The following DPYSL3 variants were observed in gnomAD, a reference collection of about 807,000 sequenced individuals.
The protein encoded by DPYSL3 is dihydropyrimidinase like 3.
In DPYSL3, 16 loss-of-function variants were observed where a neutral mutation model predicts 66.1. The ratio of observed to expected loss-of-function variants is 0.24; its 90% CI spans 0.16 to 0.37. The LOEUF is 0.37. Among genes scored for constraint, DPYSL3 ranks in the 10% least tolerant of loss-of-function variants. DPYSL3 has a pLI of 1.00. For missense variants in DPYSL3, 738 were observed against 916.2 expected (o/e 0.81, Z 2.51); for synonymous variants, 338 against 345.1 (o/e 0.98, Z 0.23).
Position 147,404,356 on chromosome 5 carries a change from G to C in DPYSL3, c.1153+1254C>G, listed in dbSNP as rs77630990. Among the ~76,000 whole-genome samples, 1,506 of 152,330 alleles carry C rather than the reference G, an allele frequency of 9.9e-3. 29 individuals carry two copies. Among genetic ancestry groups the C allele is most frequent in the African/African-American group, 0.035 (1,459 of 41,566 alleles). ...AGCCTCCCCTCTTGTAAGAAAAATA[G>C]GGTCACCCTGTGCCAGAAGGCCAGG... On this transcript the variant is annotated intron_variant, in intron 8 of 13. Coordinates refer to ENST00000343218, the MANE Select transcript of DPYSL3 (RefSeq NM_001197294.2).
chr5:147,405,592 C>A lies in DPYSL3; in HGVS notation c.1153+18G>T. The A allele has an allele frequency of 6.2e-7, 1 of 1,605,336 alleles. No individual in the cohort carries two copies. The highest frequency in any genetic ancestry group is 1.1e-5 in the South Asian group (1 of 89,406). On this transcript the variant is annotated intron_variant, in intron 8 of 13. Transcript: ENST00000343218. ...ACAGTGCCATCAGGGGCTCCGAGAT[C>A]TTGGAAACACAAATCACCTTTTTTC... is the stretch of plus-strand genomic sequence containing the variant.
chr5:147,423,717 GTTTGTTTGTT>G (rs1213126886), intron 2 of DPYSL3, among the ~76,000 whole-genome samples: 1 of 151,974 alleles, frequency 6.6e-6, no homozygotes, highest in Non-Finnish European at 1.5e-5. Context: ...TTGTTTGTTT[GTTTGTTTGTT>G]TTTGAGACAG....
Position 147,418,728 on chromosome 5 carries a change from G to A in DPYSL3, c.471-97C>T, listed in dbSNP as rs1319537862. The A allele has an allele frequency of 2.6e-5, 29 of 1,107,370 alleles. 1 individual carries two copies. The highest frequency in any genetic ancestry group is 2.8e-5 in the Non-Finnish European group (22 of 788,190). The allele number at this position is 1,107,370 out of a possible 1,614,324, so 68.6% of individuals were successfully genotyped here. ...TAGTGGTATAAGGATTTTAAACAGT[G>A]TTACTTGTATTTATCAAATTAAACT... is the stretch of plus-strand genomic sequence containing the variant. On this transcript the variant is annotated intron_variant, in intron 2 of 13. Coordinates refer to ENST00000343218, the MANE Select transcript of DPYSL3 (RefSeq NM_001197294.2).
chr5:147,466,943 G>A (rs1296734551), intron 1 of DPYSL3, among the ~76,000 whole-genome samples: 1 of 152,114 alleles, frequency 6.6e-6, no homozygotes, highest in Non-Finnish European at 1.5e-5. Flanking sequence ...CCTGGGATGA[G>A]AAACAGGCAC....
intron 10 of DPYSL3, among the ~76,000 whole-genome samples, chr5:147,399,700 G>C (rs1473066942): frequency 6.6e-6 from 1 of 152,136 alleles, no homozygotes; most frequent in African/African-American, 2.4e-5. Context: ...GTGGAATTGA[G>C]ATATTTTTGT....
chr5:147,455,599 T>C (rs1752836969), intron 1 of DPYSL3, among the ~76,000 whole-genome samples: 1 of 152,314 alleles, frequency 6.6e-6, no homozygotes, highest in East Asian at 1.9e-4. Context: ...GGATTATATT[T>C]AGAACAGAGT....
chr5:147,486,580 G>A (rs1753332289), intron 1 of DPYSL3, among the ~76,000 whole-genome samples: 1 of 152,170 alleles, frequency 6.6e-6, no homozygotes, highest in South Asian at 2.1e-4. Context: ...GGGCCAGTCA[G>A]TGCCCTTCTG....
chr5:147,452,748 T>C (rs1160702154), intron 1 of DPYSL3, among the ~76,000 whole-genome samples: 2 of 152,034 alleles, frequency 1.3e-5, no homozygotes, highest in Non-Finnish European at 2.9e-5. Flanking sequence ...TGTCTCCGTC[T>C]TGCACACAAT....
intron 8 of DPYSL3, among the ~76,000 whole-genome samples, chr5:147,403,810 A>G (rs1282219900): frequency 6.6e-6 from 1 of 152,176 alleles, no homozygotes; most frequent in Non-Finnish European, 1.5e-5. Flanking sequence ...CAATCTCAGC[A>G]GCCAGTTTTT....
chr5:147,509,422 C>A lies in DPYSL3; in HGVS notation c.381+56G>T, dbSNP rs1753725917. ...GAAAGTTGTGCCCGGGCCATGGCGG[C>A]CAGGGCTGGAGAAAGGAACGAAGGC... On this transcript the variant is annotated intron_variant, in intron 1 of 13. Coordinates refer to ENST00000343218, the MANE Select transcript of DPYSL3 (RefSeq NM_001197294.2). The surrounding 1 kb of genome is among the most constrained non-coding windows in gnomAD (Gnocchi z 5.3). 1 of 1,449,950 alleles carries A rather than the reference C, an allele frequency of 6.9e-7. No homozygotes were observed. The highest frequency in any genetic ancestry group is 1.4e-5 in the African/African-American group (1 of 70,174). The allele number at this position is 1,449,950 out of a possible 1,614,324, so 89.8% of individuals were successfully genotyped here. A position where few individuals can be genotyped will look rare whatever the true frequency, so the allele number is the denominator to read the frequency against.
intron 6 of DPYSL3, among the ~76,000 whole-genome samples, chr5:147,409,948 G>A (rs1379364331): frequency 6.6e-6 from 1 of 152,156 alleles, no homozygotes; most frequent in Non-Finnish European, 1.5e-5. Context: ...AAAGGAAAAT[G>A]CACATACTAA....
chr5:147,508,481 G>A (rs1053143203), intron 1 of DPYSL3, among the ~76,000 whole-genome samples: 2 of 152,144 alleles, frequency 1.3e-5, no homozygotes, highest in African/African-American at 2.4e-5. Flanking sequence ...CTAGACAAGG[G>A]TGAGGGCATC....
At chr5:147,395,814 G>T (rs2288807) in intron 12 of DPYSL3, 93 bp from the exon 13 acceptor site, 8 of 1,436,958 alleles carry the variant, frequency 5.6e-6, no homozygotes, top group Middle Eastern at 1.8e-4. Flanking sequence ...TACAGTGTGT[G>T]GTGGGAGCTA....
rs759160130 is a variant in DPYSL3 at position 147,393,994 on chromosome 5, ATC to A, written c.*39_*40del. 3 of 1,602,442 alleles carry A rather than the reference ATC, an allele frequency of 1.9e-6. No homozygotes were observed. In the South Asian group the frequency reaches 3.3e-5, roughly 18 times the overall value. Reference sequence around the variant, plus strand: ...GGTGTACCATTTTGGCTTCAAAACAATCTCTTCTTGCTTCTGCCCCTCTCTTT... The same window carrying A: ...GGTGTACCATTTTGGCTTCAAAACAATCTTCTTGCTTCTGCCCCTCTCTTT... On this transcript the variant is annotated 3_prime_UTR_variant, in exon 14 of 14. Transcript: ENST00000343218.
rs945369545 is a variant in DPYSL3 at position 147,397,136 on chromosome 5, G to A, written c.1803+530C>T. On this transcript the variant is annotated intron_variant, in intron 12 of 13. Transcript: ENST00000343218. ...TTCTCTGCACCTCCATTTTTTATACGCATGCATACATTTGCACACATGTAT... is the reference window on the plus strand; with the variant it reads ...TTCTCTGCACCTCCATTTTTTATACACATGCATACATTTGCACACATGTAT... 2.0e-4 allele frequency among the ~76,000 whole-genome samples: 28 copies of A among 141,374 alleles called. 1 individual carries two copies. Among genetic ancestry groups the A allele is most frequent in the East Asian group, 6.2e-4 (3 of 4,874 alleles). The allele number at this position is 141,374 out of a possible 152,430, so 92.7% of individuals were successfully genotyped here.
intron 1 of DPYSL3, among the ~76,000 whole-genome samples, chr5:147,471,985 G>A (rs1316867123): frequency 1.3e-5 from 2 of 152,004 alleles, no homozygotes; most frequent in Admixed American, 6.6e-5. Context: ...CTGTTTACAC[G>A]AGCTTCATTC....
At chr5:147,500,133 C>A (rs551743676) in intron 1 of DPYSL3, among the ~76,000 whole-genome samples, 91 of 152,172 alleles carry the variant, frequency 6.0e-4, no homozygotes, top group African/African-American at 2.1e-3. Flanking sequence ...TTTTTAGATA[C>A]AACATCAATA....
chr5:147,409,476 A>C (rs1751800881), intron 6 of DPYSL3, among the ~76,000 whole-genome samples: 1 of 152,222 alleles, frequency 6.6e-6, no homozygotes, highest in African/African-American at 2.4e-5. Context: ...ACGAAACAAA[A>C]TAGTGCCTCC....
intron 11 of DPYSL3, 127 bp downstream of exon 11, chr5:147,398,955 G>A: frequency 1.6e-6 from 2 of 1,290,266 alleles, no homozygotes; most frequent in Non-Finnish European, 1.1e-6. Flanking sequence ...GAGATTTAGG[G>A]GATGGATTAT....
Sources: allele counts gnomAD v4.1 joint callset (sites outside exome capture counted in the v4.1 genomes callset), GRCh38; gene constraint gnomAD v4.1.1; non-coding constraint Gnocchi (gnomAD v3.1); transcripts MANE v1.5; gene names NCBI Gene and HGNC (gene_info 2026-07-23, HGNC 2026-07-21).